Variants in FARP1 observed in about 807,000 individuals in gnomAD.
FARP1 encodes the protein FERM, ARH/RhoGEF and pleckstrin domain protein 1.
Under a neutral mutation model 128.8 loss-of-function variants are expected in FARP1, and 52 were observed. That is an observed-to-expected ratio of 0.40 (90% CI 0.32 to 0.51). FARP1 has a LOEUF of 0.51. FARP1 is among the 20% of genes least tolerant of loss of function. The probability of loss-of-function intolerance (pLI) is 0.45; values close to 1 mark genes in which losing one functional copy is unlikely to be tolerated. For synonymous variants in FARP1, 580 were observed against 551.8 expected, an observed-to-expected ratio of 1.05 and a Z score of -0.72; for missense variants, 1,333 against 1,367.9, an observed-to-expected ratio of 0.97 and a Z score of 0.40.
At chr13:98,168,566 GT>G (rs1307103697) in intron 1 of FARP1, among the ~76,000 whole-genome samples, 1 of 152,214 alleles carries the variant, frequency 6.6e-6, no homozygotes, top group African/African-American at 2.4e-5. Context: ...TACTGGGGGG[GT>G]TCCCCTTGCC....
chr13:98,334,318 T>G (rs1045177461), intron 2 of FARP1: 1 of 152,222 alleles, frequency 6.6e-6, no homozygotes, highest in Non-Finnish European at 1.5e-5. Context: ...ACACAGATGT[T>G]ACTGCTGATG....
chr13:98,250,005 C>G (rs1037876428), intron 2 of FARP1, among the ~76,000 whole-genome samples: 2 of 152,030 alleles, frequency 1.3e-5, no homozygotes, highest in African/African-American at 4.8e-5. Flanking sequence ...ATCTTTTAAG[C>G]CTTGGAAAGG....
rs1263689100 is a variant in FARP1 at position 98,449,580 on chromosome 13, G to A, written c.*1263G>A. ...TAGCACCTGCCCACCTGAGAACCAG[G>A]AACGCACCCTCTCTGTGGAGCTCTG... On this transcript the variant is annotated 3_prime_UTR_variant, in exon 27 of 27. Coordinates refer to ENST00000319562, the MANE Select transcript of FARP1 (RefSeq NM_005766.4). 2.0e-5 allele frequency: 3 copies of A among 152,594 alleles called. No individual in the cohort carries two copies. The highest frequency in any genetic ancestry group is 4.4e-5 in the Non-Finnish European group (3 of 68,064). The allele number at this position is 152,594 out of a possible 1,614,324, so 9.5% of individuals were successfully genotyped here.
chr13:98,186,264 G>A (rs778438407), intron 1 of FARP1, among the ~76,000 whole-genome samples: 4 of 151,994 alleles, frequency 2.6e-5, no homozygotes, highest in Admixed American at 6.6e-5. Flanking sequence ...GAGCCACCAC[G>A]CCTGGCTAAC....
At position 98,386,208 on chromosome 13, in the gene FARP1, T is replaced by TTTC. The variant is rs1555342699; in HGVS notation, c.759+394_759+395insTTC. 3.2e-3 allele frequency among the ~76,000 whole-genome samples: 466 copies of TTTC among 146,116 alleles called. 5 individuals carry two copies. The highest frequency in any genetic ancestry group is 0.011 in the South Asian group (51 of 4,682). On this transcript the variant is annotated intron_variant, in intron 8 of 26. Transcript: ENST00000319562. ...GATCCTTTTTTTTTTTTTTTTTTTT[T>TTTC]CAAACACAGTTTGGCTTGAGCCAGC...
intron 2 of FARP1, among the ~76,000 whole-genome samples, chr13:98,321,626 A>G (rs1269828948): frequency 6.6e-6 from 1 of 152,186 alleles, no homozygotes; most frequent in Non-Finnish European, 1.5e-5. Flanking sequence ...CAGAGACAGA[A>G]GGCTCTGTGA....
rs147723888 is a variant in FARP1, at chr13:98,387,481, C to T, written c.760-902C>T. ...TGGGAATACCTGGGTAATGTAGTCA[C>T]GTGCAAAGCCTGTGTCTCGGAACCC... On this transcript the variant is annotated intron_variant, in intron 8 of 26. Coordinates refer to ENST00000319562, the MANE Select transcript of FARP1 (RefSeq NM_005766.4). Among the ~76,000 whole-genome samples, 367 of 152,296 alleles carry T rather than the reference C, an allele frequency of 2.4e-3. 4 individuals carry two copies. Among genetic ancestry groups the T allele is most frequent in the African/African-American group, 8.1e-3 (336 of 41,554 alleles).
chr13:98,239,591 G>A (rs777044052), intron 2 of FARP1, among the ~76,000 whole-genome samples: 2 of 152,164 alleles, frequency 1.3e-5, no homozygotes, highest in East Asian at 1.9e-4. Context: ...GCTGAGGTCC[G>A]GATTAGGCAG....
At chr13:98,232,272 A>G (rs9556912) in intron 2 of FARP1, among the ~76,000 whole-genome samples, 19,621 of 147,602 alleles carry the variant, frequency 0.13, 3,057 homozygotes, top group East Asian at 0.5. Flanking sequence ...GATTTTATTT[A>G]CTTTTGTTTT....
chr13:98,225,027 C>T (rs1306019134), intron 2 of FARP1, among the ~76,000 whole-genome samples: 1 of 152,224 alleles, frequency 6.6e-6, no homozygotes, highest in Non-Finnish European at 1.5e-5. Flanking sequence ...CACAGACATG[C>T]TCTGAATTTC....
rs1236012252 is a variant in FARP1, at chr13:98,386,199, T to TC, written c.759+385_759+386insC. Among the ~76,000 whole-genome samples the TC allele has an allele frequency of 2.6e-5, 4 of 151,048 alleles. No homozygotes were observed. In the South Asian group the frequency reaches 6.3e-4, roughly 24 times the overall value. ...CTGTAATGTGATCCTTTTTTTTTTT[T>TC]TTTTTTTTTCAAACACAGTTTGGCT... On this transcript the variant is annotated intron_variant, in intron 8 of 26. Transcript: ENST00000319562.
At chr13:98,402,799 TC>T (rs1244786375) in intron 13 of FARP1, 1 of 131,070 alleles carries the variant, frequency 7.6e-6, no homozygotes, top group East Asian at 2.0e-4. Flanking sequence ...TTAATCAAAT[TC>T]CCTTCTGTTC....
At chr13:98,273,320 T>C (rs1373809458) in intron 2 of FARP1, among the ~76,000 whole-genome samples, 1 of 152,224 alleles carries the variant, frequency 6.6e-6, no homozygotes, top group Non-Finnish European at 1.5e-5. Context: ...GACTTAATCC[T>C]TGTCTGTTTG....
In FARP1 at chr13:98,304,815, C is replaced by G. The variant is rs552811031; in HGVS notation, c.172-38947C>G. Among the ~76,000 whole-genome samples the G allele has an allele frequency of 4.6e-5, 7 of 152,324 alleles. No homozygotes were observed. In the South Asian group the frequency reaches 1.5e-3, roughly 32 times the overall value. Reference sequence around the variant, plus strand: ...ACCTTGTCTGAGCTGGGCATAAATTCATGCATAGAAAATTAACGTATTATC... The same window carrying G: ...ACCTTGTCTGAGCTGGGCATAAATTGATGCATAGAAAATTAACGTATTATC... On this transcript the variant is annotated intron_variant, in intron 2 of 26. Transcript: ENST00000319562.
At chr13:98,198,019 A>G (rs1245266988) in intron 1 of FARP1, among the ~76,000 whole-genome samples, 2 of 152,248 alleles carry the variant, frequency 1.3e-5, no homozygotes, top group Non-Finnish European at 2.9e-5. Context: ...AGTTTATTAA[A>G]GAAAATACCC....
At chr13:98,257,651 T>C (rs1472268533) in intron 2 of FARP1, among the ~76,000 whole-genome samples, 1 of 152,156 alleles carries the variant, frequency 6.6e-6, no homozygotes, top group African/African-American at 2.4e-5. Flanking sequence ...GTGCCTGTAA[T>C]CCTAGCTACT....
chr13:98,225,322 A>G (rs573663445), intron 2 of FARP1, among the ~76,000 whole-genome samples: 1 of 152,296 alleles, frequency 6.6e-6, no homozygotes, highest in African/African-American at 2.4e-5. Context: ...AGATTTCTCC[A>G]CGATGATCAG....
chr13:98,296,293 C>T (rs1885683639), intron 2 of FARP1, among the ~76,000 whole-genome samples: 1 of 152,038 alleles, frequency 6.6e-6, no homozygotes, highest in East Asian at 1.9e-4. Context: ...TGTCCCGTGG[C>T]CCCCCGATTG....
intron 2 of FARP1, among the ~76,000 whole-genome samples, chr13:98,302,125 G>A (rs1314165626): frequency 1.3e-5 from 2 of 152,188 alleles, no homozygotes; most frequent in African/African-American, 4.8e-5. Flanking sequence ...GGCTGACTTA[G>A]CTGCCACATT....
Sources: gnomAD v4.1 joint callset for allele counts (sites outside exome capture counted in the v4.1 genomes callset) on GRCh38, gnomAD v4.1.1 for gene constraint, MANE v1.5 for transcripts, NCBI Gene and HGNC (gene_info 2026-07-23, HGNC 2026-07-21) for gene names.